Variants in CHL1 observed in about 807,000 individuals in gnomAD.
CHL1 encodes the protein cell adhesion molecule L1 like.
In CHL1, 96 loss-of-function variants were observed where a neutral mutation model predicts 141.9. That is an observed-to-expected ratio of 0.68 (90% CI 0.57 to 0.80). CHL1 has a LOEUF of 0.80. CHL1 is among the 30% of genes least tolerant of loss of function. The probability of loss-of-function intolerance (pLI) is 0.00; values close to 1 mark genes in which losing one functional copy is unlikely to be tolerated. For missense variants in CHL1, 1,820 were observed against 1,457.2 expected, an observed-to-expected ratio of 1.25 and a Z score of -4.05; for synonymous variants, 613 against 502.2, an observed-to-expected ratio of 1.22 and a Z score of -2.95.
intron 1 of CHL1, among the ~76,000 whole-genome samples, chr3:235,670 C>G (rs1436034124): frequency 1.3e-5 from 2 of 152,166 alleles, no homozygotes; most frequent in African/African-American, 4.8e-5. Flanking sequence ...TAATGGCCTT[C>G]TACTTCCAGG....
At chr3:215,624 A>C (rs776286998) in intron 1 of CHL1, among the ~76,000 whole-genome samples, 8 of 152,216 alleles carry the variant, frequency 5.3e-5, no homozygotes, top group Non-Finnish European at 8.8e-5. Context: ...ACATGTATCC[A>C]ATCATTATGA....
At chr3:345,299 T>C (rs1053898031) in intron 9 of CHL1, among the ~76,000 whole-genome samples, 1 of 150,210 alleles carries the variant, frequency 6.7e-6, no homozygotes, top group African/African-American at 2.4e-5. Context: ...ATCTGCTGCT[T>C]TGCAGGTTCC....
At chr3:239,542 T>A (rs1335139305) in intron 1 of CHL1, among the ~76,000 whole-genome samples, 5 of 151,548 alleles carry the variant, frequency 3.3e-5, no homozygotes, top group Non-Finnish European at 4.4e-5. Context: ...TATTAATTGA[T>A]ATGTGTAGCT....
At chr3:233,723 C>G (rs1691640296) in intron 1 of CHL1, among the ~76,000 whole-genome samples, 2 of 152,036 alleles carry the variant, frequency 1.3e-5, no homozygotes, top group African/African-American at 4.8e-5. Context: ...TATACAAAGT[C>G]TCAGCATTCA....
rs538389330 is a variant in CHL1 at position 346,958 on chromosome 3, A to G, written c.848+2249A>G. 4.5e-3 allele frequency among the ~76,000 whole-genome samples: 689 copies of G among 152,304 alleles called. 2 individuals are homozygous for G. The highest frequency in any genetic ancestry group is 0.01 in the Middle Eastern group (3 of 294). The stretch of plus-strand genomic sequence containing the variant: ...AAAGAATAAAGTAAAATGATTATCT[A>G]TAAGTGTCAGGTGAACATGAGATAT... On this transcript the variant is annotated intron_variant, in intron 9 of 27. Coordinates refer to ENST00000256509, the MANE Select transcript of CHL1 (RefSeq NM_006614.4).
At chr3:397,398 ACCC>A (rs1435619067) in intron 24 of CHL1, among the ~76,000 whole-genome samples, 3 of 152,026 alleles carry the variant, frequency 2.0e-5, no homozygotes, top group Non-Finnish European at 4.4e-5. Flanking sequence ...TGTAACATAT[ACCC>A]ACTTAAAATA....
chr3:266,649 G>C (rs1238502834), intron 2 of CHL1, among the ~76,000 whole-genome samples: 1 of 152,142 alleles, frequency 6.6e-6, no homozygotes, highest in Non-Finnish European at 1.5e-5. Context: ...GCATCAAAGG[G>C]TTAAAGTTGA....
intron 2 of CHL1, among the ~76,000 whole-genome samples, chr3:254,380 G>A (rs998225922): frequency 1.3e-5 from 2 of 152,178 alleles, no homozygotes; most frequent in South Asian, 2.1e-4. Flanking sequence ...TAGTGACATG[G>A]CCTCTCTAAG....
intron 1 of CHL1, among the ~76,000 whole-genome samples, chr3:236,851 TAG>T (rs1413942320): frequency 1.4e-5 from 2 of 144,332 alleles, no homozygotes; most frequent in African/African-American, 5.7e-5. Context: ...GTCCCATTAT[TAG>T]AGAGTTTTTA....
chr3:300,435 TG>T lies in CHL1; in HGVS notation c.-94-19245del, dbSNP rs529079811. On this transcript the variant is annotated intron_variant, in intron 2 of 27. Coordinates refer to ENST00000256509, the MANE Select transcript of CHL1 (RefSeq NM_006614.4). Reference sequence around the variant, plus strand: ...GTTCTGATGACTTTGTGAGAGTGAATGGGAAAGCACATTCAATGGCAAGAAC... The same window carrying T: ...GTTCTGATGACTTTGTGAGAGTGAATGGAAAGCACATTCAATGGCAAGAAC... Among the ~76,000 whole-genome samples, 34 of 152,146 alleles carry T rather than the reference TG, an allele frequency of 2.2e-4. No individual in the cohort carries two copies. The South Asian group carries it at 7.1e-3, about 32-fold the overall frequency.
chr3:375,649 T>C (rs756398952), intron 15 of CHL1, among the ~76,000 whole-genome samples: 1 of 151,918 alleles, frequency 6.6e-6, no homozygotes. Context: ...GAAATCAACT[T>C]GATTAATATT....
rs1709668927 is a variant in CHL1 at position 408,488 on chromosome 3, A to G, written c.*2777A>G. 6.6e-6 allele frequency: 1 copy of G among 152,122 alleles called. No homozygotes were observed. The allele number at this position is 152,122 out of a possible 1,614,324, so 9.4% of individuals were successfully genotyped here. A position where few individuals can be genotyped will look rare whatever the true frequency, so the allele number is the denominator to read the frequency against. ...TAAAGTGCTAATAATAATCTCAGTTACCTTATCTTTGTCACAGGGTGTTCT... is the reference window on the plus strand; with the variant it reads ...TAAAGTGCTAATAATAATCTCAGTTGCCTTATCTTTGTCACAGGGTGTTCT... On this transcript the variant is annotated 3_prime_UTR_variant, in exon 28 of 28. Coordinates refer to ENST00000256509, the MANE Select transcript of CHL1 (RefSeq NM_006614.4).
At chr3:371,112 A>T (rs925310509) in intron 15 of CHL1, among the ~76,000 whole-genome samples, 1 of 152,148 alleles carries the variant, frequency 6.6e-6, no homozygotes, top group African/African-American at 2.4e-5. Context: ...GTAGATGTCT[A>T]TTAGGTCTGC....
At chr3:361,426 G>A (rs1471725995) in intron 12 of CHL1, among the ~76,000 whole-genome samples, 1 of 145,960 alleles carries the variant, frequency 6.9e-6, no homozygotes, top group East Asian at 2.0e-4. Context: ...CCATCAGAGT[G>A]AACAGGCAAC....
chr3:292,861 A>G (rs1174919063), intron 2 of CHL1, among the ~76,000 whole-genome samples: 1 of 152,160 alleles, frequency 6.6e-6, no homozygotes, highest in African/African-American at 2.4e-5. Context: ...GCACCCAGCC[A>G]TGAGGGATCT....
chr3:394,759 G>T lies in CHL1; in HGVS notation c.2981G>T (p.Trp994Leu), dbSNP rs747443739. ...ATTACAACTCCATCAAAGCCCAGCT[G>T]GCACCTCTCAAACCTGAATGCAACT... ...INITTPSKPS[W>L]HLSNLNATTK... The change falls in exon 24 of 28, where the codon TGG (tryptophan) becomes TTG (leucine). Residue 994 changes from tryptophan (W) to leucine (L), a missense_variant. Coordinates refer to ENST00000256509, the MANE Select transcript of CHL1 (RefSeq NM_006614.4). 1.2e-6 allele frequency: 2 copies of T among 1,613,720 alleles called. No individual in the cohort carries two copies. The highest frequency in any genetic ancestry group is 1.7e-6 in the Non-Finnish European group (2 of 1,179,746).
At chr3:276,655 C>A (rs61625316) in intron 2 of CHL1, among the ~76,000 whole-genome samples, 1 of 151,590 alleles carries the variant, frequency 6.6e-6, no homozygotes, top group Non-Finnish European at 1.5e-5. Context: ...TTTGGGAGGC[C>A]GAGGGGGGCG....
chr3:258,519 C>T (rs190222512), intron 2 of CHL1, among the ~76,000 whole-genome samples: 9 of 152,306 alleles, frequency 5.9e-5, no homozygotes, highest in Admixed American at 4.6e-4. Context: ...AAATTAAAAT[C>T]GAAACCCTGT....
chr3:326,090 T>C, intron 4 of CHL1, 26 bp downstream of exon 4: 1 of 1,403,986 alleles, frequency 7.1e-7, no homozygotes, highest in Non-Finnish European at 1.0e-6. Context: ...AACGAAGTGG[T>C]TCTTTAAATG....
Sources: gnomAD v4.1 joint callset for allele counts (sites outside exome capture counted in the v4.1 genomes callset) on GRCh38, gnomAD v4.1.1 for gene constraint, MANE v1.5 for transcripts, NCBI Gene and HGNC (gene_info 2026-07-23, HGNC 2026-07-21) for gene names.